Variants in ITGAE observed in about 807,000 individuals in gnomAD.
ITGAE encodes the protein integrin subunit alpha E.
ITGAE carries 99 observed loss-of-function variants against 136.5 expected under a neutral mutation model. That is an observed-to-expected ratio of 0.73 (90% CI 0.62 to 0.86). ITGAE has a LOEUF of 0.86. Ranked by LOEUF, ITGAE falls within the 40% of genes least tolerant of loss-of-function variation. The pLI is 0.00. For missense variants in ITGAE, 1,447 were observed against 1,515.3 expected (o/e 0.95, Z 0.75); for synonymous variants, 613 against 591.8 (o/e 1.04, Z -0.52).
At chr17:3,745,631 C>G in intron 18 of ITGAE, 133 bp downstream of exon 18, 1 of 892,738 alleles carries the variant, frequency 1.1e-6, no homozygotes. Flanking sequence ...CGTGAGCCAC[C>G]GTGCCTGGCC....
intron 26 of ITGAE, chr17:3,726,654 C>T (rs894984920): frequency 3.9e-6 from 1 of 257,526 alleles, no homozygotes; most frequent in Non-Finnish European, 7.3e-6. Context: ...ATAGCAAGAC[C>T]CCTGTCTCTA....
At chr17:3,757,674 T>C (rs778886842) in intron 9 of ITGAE, 32 bp downstream of exon 9, 3 of 1,610,822 alleles carry the variant, frequency 1.9e-6, no homozygotes, top group Non-Finnish European at 2.5e-6. Flanking sequence ...CTGTGCAGGT[T>C]CAGGAGGTGT....
intron 1 of ITGAE, among the ~76,000 whole-genome samples, chr17:3,796,884 G>A (rs1470403810): frequency 6.6e-6 from 1 of 152,104 alleles, no homozygotes; most frequent in Non-Finnish European, 1.5e-5. Flanking sequence ...CTGATACCAG[G>A]AGCTGAAGAA....
At position 3,759,567 on chromosome 17, in the gene ITGAE, G is replaced by A. The variant is rs1184268709; in HGVS notation, c.715-14C>T. ...GGCAAAGTTGCACTGCAGGGGATGG[G>A]CAGGAGGGCAGGAGGTTGGAAGAAT... On this transcript the variant is annotated splice_polypyrimidine_tract_variant and intron_variant, in intron 7 of 30. Coordinates refer to ENST00000263087, the MANE Select transcript of ITGAE (RefSeq NM_002208.5). The A allele has an allele frequency of 6.3e-7, 1 of 1,599,088 alleles. No individual in the cohort carries two copies. The highest frequency in any genetic ancestry group is 2.2e-5 in the East Asian group (1 of 44,446).
At chr17:3,737,897 G>A (rs1443440386) in intron 20 of ITGAE, among the ~76,000 whole-genome samples, 2 of 152,188 alleles carry the variant, frequency 1.3e-5, no homozygotes, top group Admixed American at 6.6e-5. Flanking sequence ...CAAGCCATGC[G>A]TGCTGTATCT....
chr17:3,744,002 CTCTTT>C (rs1182922951), intron 18 of ITGAE, among the ~76,000 whole-genome samples: 1 of 150,724 alleles, frequency 6.6e-6, no homozygotes, highest in African/African-American at 2.4e-5. Context: ...CGCGCCCGGC[CTCTTT>C]TCTTTTTTTT....
intron 26 of ITGAE, chr17:3,725,069 C>T: frequency 6.2e-7 from 1 of 1,614,240 alleles, no homozygotes; most frequent in South Asian, 1.1e-5. Flanking sequence ...TACAGAATGT[C>T]TGCTTTTGGA....
intron 26 of ITGAE, chr17:3,726,436 C>A: frequency 6.8e-6 from 5 of 731,348 alleles, no homozygotes; most frequent in Non-Finnish European, 1.2e-5. Flanking sequence ...CCCATTCTCA[C>A]AGGTTTCCAG....
chr17:3,776,112 C>T (rs2143292163), intron 2 of ITGAE, among the ~76,000 whole-genome samples: 1 of 133,342 alleles, frequency 7.5e-6, no homozygotes, highest in South Asian at 2.3e-4. Flanking sequence ...GGCTGTAGTG[C>T]AATGGCACGA....
chr17:3,784,407 T>G (rs552081213), intron 1 of ITGAE: 1 of 238,502 alleles, frequency 4.2e-6, no homozygotes, highest in South Asian at 4.4e-5. Context: ...ATTTTTCTTT[T>G]TTTTTTGAGA....
chr17:3,767,231 C>T (rs574517867), intron 2 of ITGAE, among the ~76,000 whole-genome samples: 3 of 151,912 alleles, frequency 2.0e-5, no homozygotes, highest in East Asian at 1.9e-4. Flanking sequence ...CAAAGTGCTG[C>T]GATTACAGGC....
At chr17:3,786,047 G>A (rs1300429442) in intron 1 of ITGAE, among the ~76,000 whole-genome samples, 3 of 151,228 alleles carry the variant, frequency 2.0e-5, no homozygotes, top group African/African-American at 2.4e-5. Flanking sequence ...GGCGCCTGTA[G>A]TCCCAGCTAC....
chr17:3,754,089 C>G (rs988841824), intron 12 of ITGAE, among the ~76,000 whole-genome samples, 164 bp from the exon 13 acceptor site: 5 of 152,262 alleles, frequency 3.3e-5, no homozygotes, highest in Admixed American at 3.3e-4. Context: ...TCAGCGAGCA[C>G]TCTCACTTTG....
intron 6 of ITGAE, 125 bp from the exon 7 acceptor site, chr17:3,760,412 A>C: frequency 3.9e-6 from 1 of 253,464 alleles, no homozygotes; most frequent in Non-Finnish European, 7.8e-6. Flanking sequence ...GAAGTTGGAG[A>C]AGCTCCCAAG....
chr17:3,757,653 C>T, intron 9 of ITGAE, 53 bp downstream of exon 9: 3 of 1,592,032 alleles, frequency 1.9e-6, no homozygotes, highest in Non-Finnish European at 2.6e-6. Flanking sequence ...CTGGCTTCTC[C>T]CCACCCCAGG....
intron 15 of ITGAE, 30 bp downstream of exon 15, chr17:3,751,617 AGAG>A (rs1308325046): frequency 6.3e-7 from 1 of 1,585,604 alleles, no homozygotes; most frequent in East Asian, 2.2e-5. Context: ...TCAGAGCCCC[AGAG>A]GAGAGGAAGG....
chr17:3,725,165 T>C (rs1194835854), intron 26 of ITGAE: 4 of 1,614,110 alleles, frequency 2.5e-6, no homozygotes, highest in Non-Finnish European at 3.4e-6. Context: ...CCACTGCCAC[T>C]TCTCTCTCTG....
intron 1 of ITGAE, among the ~76,000 whole-genome samples, chr17:3,786,320 A>G (rs1335607396): frequency 6.6e-6 from 1 of 152,154 alleles, no homozygotes; most frequent in Non-Finnish European, 1.5e-5. Context: ...TATTTTACTC[A>G]TGACTAAAAA....
Position 3,755,909 on chromosome 17 carries a change from G to A in ITGAE, c.1172-12C>T. The A allele has an allele frequency of 1.3e-6, 2 of 1,587,640 alleles. No homozygotes were observed. Among genetic ancestry groups the A allele is most frequent in the Non-Finnish European group, 1.7e-6 (2 of 1,166,740 alleles). On this transcript the variant is annotated splice_polypyrimidine_tract_variant and intron_variant, in intron 10 of 30. Transcript: ENST00000263087. ...GTCTCCAACCGTGCCTGCAAGCCAA[G>A]AAGCCCAGTGAGACTGCTGTGGGCC... is the stretch of plus-strand genomic sequence containing the variant.
Sources: allele counts gnomAD v4.1 joint callset (sites outside exome capture counted in the v4.1 genomes callset), GRCh38; gene constraint gnomAD v4.1.1; transcripts MANE v1.5; gene names NCBI Gene and HGNC (gene_info 2026-07-23, HGNC 2026-07-21).